The following DCDC1 variants were observed in gnomAD, a reference collection of about 807,000 sequenced individuals.
DCDC1 encodes the protein doublecortin domain containing 1.
In DCDC1, 200 loss-of-function variants were observed where a neutral mutation model predicts 178.3. The observed-to-expected ratio is 1.12, with a 90% CI of 1.00 to 1.26. DCDC1 has a LOEUF of 1.26. Ranked by LOEUF, DCDC1 falls within the 50% of genes most tolerant of loss-of-function variation. DCDC1 has a pLI of 0.00. For missense variants in DCDC1, 1,983 were observed against 1,749.2 expected (o/e 1.13, Z -2.38); for synonymous variants, 690 against 604.8 (o/e 1.14, Z -2.07).
chr11:31,134,589 T>A (rs1962886426), intron 10 of DCDC1, among the ~76,000 whole-genome samples: 1 of 152,240 alleles, frequency 6.6e-6, no homozygotes, highest in South Asian at 2.1e-4. Context: ...CTCATAGGCA[T>A]TTCTTCTAAT....
At chr11:31,166,642 A>C (rs1389606866) in intron 9 of DCDC1, among the ~76,000 whole-genome samples, 1 of 152,196 alleles carries the variant, frequency 6.6e-6, no homozygotes, top group African/African-American at 2.4e-5. Flanking sequence ...TTTTAAAAAA[A>C]GAATAAAAGA....
intron 20 of DCDC1, among the ~76,000 whole-genome samples, chr11:31,029,724 T>A (rs1953494739): frequency 6.6e-6 from 1 of 152,134 alleles, no homozygotes; most frequent in African/African-American, 2.4e-5. Context: ...TTTATAACAA[T>A]AAAATGCATT....
At chr11:31,283,998 CG>C (rs1946642342) in intron 7 of DCDC1, among the ~76,000 whole-genome samples, 1 of 149,174 alleles carries the variant, frequency 6.7e-6, no homozygotes. Flanking sequence ...CTCTCTACTA[CG>C]ATCCATAAAT....
rs1565442393 is a variant in DCDC1, at chr11:31,213,139, C to CTCTT, written c.1221+28310_1221+28311insAAGA. On this transcript the variant is annotated intron_variant, in intron 9 of 38. Transcript: ENST00000684477. ...TCTCTCTCTCTCTCTCTCTCTCTCT[C>CTCTT]TCTCTCTCTCTCTCTCTCTCTCTGC... Among the ~76,000 whole-genome samples the CTCTT allele has an allele frequency of 5.2e-4, 73 of 140,496 alleles. 1 individual carries two copies. The highest frequency in any genetic ancestry group is 3.1e-4 in the Non-Finnish European group (20 of 64,846). 92.2% of individuals were successfully genotyped at this position (140,496 alleles called of 152,430 possible). A position where few individuals can be genotyped will look rare whatever the true frequency, so the allele number is the denominator to read the frequency against.
chr11:30,979,636 G>T (rs2134779073), intron 20 of DCDC1, among the ~76,000 whole-genome samples: 1 of 152,234 alleles, frequency 6.6e-6, no homozygotes, highest in East Asian at 1.9e-4. Context: ...AGGGAAATCA[G>T]GTCCAAGACT....
At chr11:31,278,165 TCTATCAAG>T (rs1470517705) in intron 7 of DCDC1, among the ~76,000 whole-genome samples, 1 of 152,174 alleles carries the variant, frequency 6.6e-6, no homozygotes, top group African/African-American at 2.4e-5. Flanking sequence ...ATTGAATCAC[TCTATCAAG>T]AATGATTTAC....
chr11:31,144,436 CAA>C (rs1003402908), intron 9 of DCDC1, among the ~76,000 whole-genome samples: 17 of 152,142 alleles, frequency 1.1e-4, no homozygotes, highest in Non-Finnish European at 1.9e-4. Flanking sequence ...CGTGCCCGGC[CAA>C]AGACTGTGCA....
intron 20 of DCDC1, among the ~76,000 whole-genome samples, chr11:30,957,572 G>A (rs1948841056): frequency 6.6e-6 from 1 of 152,158 alleles, no homozygotes; most frequent in South Asian, 2.1e-4. Flanking sequence ...TAAGTCTCTG[G>A]TAAGCCCAGT....
At chr11:31,338,014 T>C (rs1950357391) in intron 1 of DCDC1, among the ~76,000 whole-genome samples, 1 of 152,174 alleles carries the variant, frequency 6.6e-6, no homozygotes, top group Non-Finnish European at 1.5e-5. Flanking sequence ...GCTGCAGATC[T>C]GTTCAGCACT....
chr11:31,043,367 T>G (rs1446457984), intron 20 of DCDC1, among the ~76,000 whole-genome samples: 2 of 152,218 alleles, frequency 1.3e-5, no homozygotes, highest in Admixed American at 1.3e-4. Flanking sequence ...ACAAAGCTGC[T>G]GACATCATGT....
At chr11:31,095,637 G>A (rs1020893374) in intron 15 of DCDC1, among the ~76,000 whole-genome samples, 1 of 152,136 alleles carries the variant, frequency 6.6e-6, no homozygotes, top group Non-Finnish European at 1.5e-5. Flanking sequence ...TAGTTGTGGG[G>A]ATGGATAGGG....
chr11:31,258,039 A>G (rs1944531852), intron 8 of DCDC1, among the ~76,000 whole-genome samples: 2 of 152,176 alleles, frequency 1.3e-5, no homozygotes, highest in African/African-American at 4.8e-5. Context: ...CAATTATACA[A>G]AGAGTGCACA....
At chr11:31,302,833 G>T (rs1434846661) in intron 6 of DCDC1, among the ~76,000 whole-genome samples, 1 of 148,302 alleles carries the variant, frequency 6.7e-6, no homozygotes, top group African/African-American at 2.5e-5. Context: ...TCTGGAAATC[G>T]TTCTTAGGCA....
At chr11:30,956,590 G>A (rs1289234748) in intron 20 of DCDC1, among the ~76,000 whole-genome samples, 2 of 152,170 alleles carry the variant, frequency 1.3e-5, no homozygotes, top group East Asian at 3.9e-4. Context: ...GAATAGCTGT[G>A]CTGAGAATCT....
intron 9 of DCDC1, among the ~76,000 whole-genome samples, chr11:31,161,358 T>G (rs1966300568): frequency 6.6e-6 from 1 of 152,172 alleles, no homozygotes; most frequent in South Asian, 2.1e-4. Context: ...TGTTGAAAAT[T>G]ACAGTAATTA....
intron 8 of DCDC1, among the ~76,000 whole-genome samples, chr11:31,245,969 G>C (rs1943528442): frequency 6.6e-6 from 1 of 151,780 alleles, no homozygotes; most frequent in Non-Finnish European, 1.5e-5. Context: ...TCTCTCTAAA[G>C]AGAAACCACA....
intron 9 of DCDC1, among the ~76,000 whole-genome samples, chr11:31,234,050 T>G (rs1240001020): frequency 6.6e-6 from 1 of 152,206 alleles, no homozygotes; most frequent in Non-Finnish European, 1.5e-5. Flanking sequence ...CCAGCACCTT[T>G]TATTTATGCT....
chr11:30,980,288 G>A (rs1336050852), intron 20 of DCDC1, among the ~76,000 whole-genome samples: 1 of 152,138 alleles, frequency 6.6e-6, no homozygotes, highest in Non-Finnish European at 1.5e-5. Flanking sequence ...CACTCAGTGG[G>A]CAATGAGTCC....
chr11:31,307,878 A>C lies in DCDC1; in HGVS notation c.195T>G (p.Val65=), dbSNP rs748232312. ...REFMSSQAKA[V]IKTTDDYLQS... The stretch of plus-strand genomic sequence containing the variant: ...GCAAATAATCATCAGTAGTTTTAAT[A>C]ACTGCTTTTGCCTGGGATGACATAA... Residue 65 remains valine, a synonymous_variant, in exon 4 of 39, where the codon GTT becomes GTG. Transcript: ENST00000684477. 6.2e-7 allele frequency: 1 copy of C among 1,614,052 alleles called. No individual in the cohort carries two copies.
Sources: allele counts gnomAD v4.1 joint callset (sites outside exome capture counted in the v4.1 genomes callset), GRCh38; gene constraint gnomAD v4.1.1; transcripts MANE v1.5; gene names NCBI Gene and HGNC (gene_info 2026-07-23, HGNC 2026-07-21).